Variants in FAAH2 observed in about 807,000 individuals in gnomAD.
FAAH2 encodes the protein fatty-acid amide hydrolase 2.
Under a neutral mutation model 36.9 loss-of-function variants are expected in FAAH2, and 60 were observed. The observed-to-expected ratio is 1.63, with a 90% confidence interval of 1.32 to 2.02. The LOEUF is 2.02. Ranked by LOEUF, FAAH2 falls within the 30% of genes most tolerant of loss-of-function variation. The pLI, the probability that FAAH2 is intolerant of heterozygous loss-of-function variation, is 0.00. For synonymous variants in FAAH2, 214 were observed against 143.8 expected (o/e 1.49, Z -3.49); for missense variants, 689 against 397.5 (o/e 1.73, Z -6.23).
At chrX:57,173,649 A>G in the FAAH2 span, among the ~76,000 whole-genome samples, 9 of 111,617 alleles carry the variant, frequency 8.1e-5, no homozygotes, top group Non-Finnish European at 1.3e-4. Context: ...CCTTGTTCCA[A>G]TTCTTAGGGG....
rs762414967 is a variant in FAAH2, at chrX:57,420,664, A to C, written c.997-11254A>C. On this transcript the variant is annotated intron_variant, in intron 7 of 10. Transcript: ENST00000374900. ...CTAGATATACAATCATGTCATCTGC[A>C]AACAGGGACAATTTGACTTCCTCTT... is the stretch of plus-strand genomic sequence containing the variant. Among the ~76,000 whole-genome samples the C allele has an allele frequency of 1.1e-4, 12 of 109,040 alleles. No individual in the cohort carries two copies. In the South Asian group the frequency reaches 4.1e-3, roughly 37 times the overall value. The allele number at this position is 109,040 out of a possible 115,157, so 94.7% of individuals were successfully genotyped here.
the FAAH2 span, among the ~76,000 whole-genome samples, chrX:57,238,187 A>G: frequency 8.9e-6 from 1 of 112,105 alleles, no homozygotes; most frequent in East Asian, 2.8e-4. Flanking sequence ...GCCATAAAAC[A>G]TATGAATGCT....
At chrX:57,153,342 G>A in the FAAH2 span, among the ~76,000 whole-genome samples, 1 of 112,004 alleles carries the variant, frequency 8.9e-6, no homozygotes, top group Non-Finnish European at 1.9e-5. Context: ...TCTTTGAAGT[G>A]GAACATTTAG....
chrX:57,392,569 C>T, intron 7 of FAAH2: 1 of 821,589 alleles, frequency 1.2e-6, no homozygotes, highest in Non-Finnish European at 1.8e-6. Flanking sequence ...CTTATACTTC[C>T]TAACTCCCAG....
chrX:57,444,808 A>G (rs1476304133), intron 8 of FAAH2, among the ~76,000 whole-genome samples: 2 of 111,797 alleles, frequency 1.8e-5, no homozygotes. Context: ...ATGCATTTTC[A>G]GTTTGTCAAG....
At chrX:57,391,069 G>A (rs779110255) in intron 7 of FAAH2, among the ~76,000 whole-genome samples, 54 of 111,350 alleles carry the variant, frequency 4.8e-4, no homozygotes, top group Non-Finnish European at 1.3e-4. Context: ...TTTCTCTGAT[G>A]ACTAGTGATG....
rs747802879 is a variant in FAAH2 at position 57,429,207 on chromosome X, C to T, written c.997-2711C>T. Among the ~76,000 whole-genome samples the T allele has an allele frequency of 4.4e-4, 48 of 109,080 alleles. 1 individual carries two copies. The East Asian group carries it at 9.8e-3, about 22-fold the overall frequency. 94.7% of individuals were successfully genotyped at this position (109,080 alleles called of 115,157 possible). A position where few individuals can be genotyped will look rare whatever the true frequency, so the allele number is the denominator to read the frequency against. ...AAAAAAAATTAGCTGGGCGTGGTGG[C>T]GGGTGCCTGTAGTCCCAGCTACTTG... On this transcript the variant is annotated intron_variant, in intron 7 of 10. Coordinates refer to ENST00000374900, the MANE Select transcript of FAAH2 (RefSeq NM_174912.4).
chrX:57,352,199 AC>A (rs747021163), intron 5 of FAAH2, among the ~76,000 whole-genome samples: 1 of 98,084 alleles, frequency 1.0e-5, no homozygotes, highest in East Asian at 3.2e-4. Flanking sequence ...ATATAGCTAG[AC>A]ACAAATATCT....
intron 4 of FAAH2, among the ~76,000 whole-genome samples, chrX:57,339,491 A>G (rs1428234409): frequency 8.9e-6 from 1 of 112,173 alleles, no homozygotes; most frequent in African/African-American, 3.2e-5. Flanking sequence ...ACAGAATGGG[A>G]GATAATTTTT....
At chrX:57,164,279 C>T in the FAAH2 span, among the ~76,000 whole-genome samples, 75 of 112,173 alleles carry the variant, frequency 6.7e-4, 1 homozygote, top group Non-Finnish European at 6.2e-4. Flanking sequence ...TAAAGTCCTT[C>T]CTGTAGGTGC....
intron 7 of FAAH2, among the ~76,000 whole-genome samples, chrX:57,409,699 T>C (rs2147333237): frequency 9.0e-6 from 1 of 111,448 alleles, no homozygotes; most frequent in Admixed American, 9.6e-5. Context: ...TATAATTGTT[T>C]ATATTAGTCT....
the FAAH2 span, among the ~76,000 whole-genome samples, chrX:57,236,333 A>G: frequency 8.9e-6 from 1 of 112,440 alleles, no homozygotes; most frequent in African/African-American, 3.2e-5. Context: ...CAACATACTG[A>G]TTTAAATATC....
chrX:57,478,897 AG>A (rs1236235178), intron 10 of FAAH2, among the ~76,000 whole-genome samples: 4 of 111,480 alleles, frequency 3.6e-5, no homozygotes, highest in Non-Finnish European at 5.6e-5. Flanking sequence ...GTAGCCTTGT[AG>A]TATAGTTTGA....
At chrX:57,466,036 C>A (rs1054241065) in intron 10 of FAAH2, among the ~76,000 whole-genome samples, 1 of 107,745 alleles carries the variant, frequency 9.3e-6, no homozygotes, top group Non-Finnish European at 1.9e-5. Flanking sequence ...GTACTTTCCT[C>A]TTTTTTCTTG....
intron 7 of FAAH2, among the ~76,000 whole-genome samples, chrX:57,401,440 C>T (rs2055433089): frequency 8.9e-6 from 1 of 111,753 alleles, no homozygotes; most frequent in African/African-American, 3.3e-5. Context: ...AACCACTCTG[C>T]TTCCTCTGAC....
At chrX:57,468,322 C>T (rs1359362747) in intron 10 of FAAH2, among the ~76,000 whole-genome samples, 2 of 111,210 alleles carry the variant, frequency 1.8e-5, no homozygotes, top group Non-Finnish European at 3.8e-5. Flanking sequence ...AAGTTCGAAC[C>T]CAATGCAAAG....
Position 57,483,901 on chromosome X carries a change from G to A in FAAH2, c.1424-4856G>A, listed in dbSNP as rs763478274. Reference sequence around the variant, plus strand: ...CACAAGCTCCACCTCCCGAGTTCAAGCGATTCTCCTGCCTCAGCCTCCCAA... The same window carrying A: ...CACAAGCTCCACCTCCCGAGTTCAAACGATTCTCCTGCCTCAGCCTCCCAA... On this transcript the variant is annotated intron_variant, in intron 10 of 10. Coordinates refer to ENST00000374900, the MANE Select transcript of FAAH2 (RefSeq NM_174912.4). 2.1e-3 allele frequency among the ~76,000 whole-genome samples: 218 copies of A among 103,502 alleles called. 3 individuals are homozygous for A. The highest frequency in any genetic ancestry group is 5.2e-4 in the Non-Finnish European group (27 of 51,771). The allele number at this position is 103,502 out of a possible 115,157, so 89.9% of individuals were successfully genotyped here.
chrX:57,382,925 A>G (rs890991914), intron 7 of FAAH2, among the ~76,000 whole-genome samples: 3 of 111,799 alleles, frequency 2.7e-5, no homozygotes, highest in African/African-American at 6.5e-5. Context: ...CAAAAATCCT[A>G]AATAAAATAC....
the FAAH2 span, among the ~76,000 whole-genome samples, chrX:57,234,246 T>A: frequency 9.0e-6 from 1 of 111,584 alleles, no homozygotes; most frequent in East Asian, 2.8e-4. Flanking sequence ...TTATAAAATG[T>A]CAAAAAGCAG....
Sources: allele counts gnomAD v4.1 joint callset (sites outside exome capture counted in the v4.1 genomes callset), GRCh38; gene constraint gnomAD v4.1.1; transcripts MANE v1.5; gene names NCBI Gene and HGNC (gene_info 2026-07-23, HGNC 2026-07-21).